Variants in GFRA2 observed in about 807,000 individuals in gnomAD.
The protein encoded by GFRA2 is GDNF family receptor alpha 2.
GFRA2 carries 17 observed loss-of-function variants against 48.3 expected under a neutral mutation model. That is an observed-to-expected ratio of 0.35 (90% confidence interval 0.24 to 0.53). The LOEUF (loss-of-function observed/expected upper bound fraction) is 0.53. Among genes scored for constraint, GFRA2 ranks in the 20% least tolerant of loss-of-function variants. GFRA2 has a pLI of 0.93. For synonymous variants in GFRA2, 305 were observed against 257.2 expected, an observed-to-expected ratio of 1.19 and a Z score of -1.78; for missense variants, 660 against 637.3, an observed-to-expected ratio of 1.04 and a Z score of -0.38.
intron 4 of GFRA2, among the ~76,000 whole-genome samples, chr8:21,727,458 C>T (rs1803927057): frequency 2.0e-5 from 3 of 152,232 alleles, no homozygotes; most frequent in Admixed American, 2.0e-4. Context: ...TGCTCCTCTC[C>T]TCCAAGCGCT....
At chr8:21,768,005 G>A (rs563639645) in intron 3 of GFRA2, among the ~76,000 whole-genome samples, 1 of 152,216 alleles carries the variant, frequency 6.6e-6, no homozygotes, top group African/African-American at 2.4e-5. Flanking sequence ...GGAAAATGTC[G>A]ATCCCTCCAG....
At chr8:21,787,260 C>CGGGGGGGGGGGGGGGGG in intron 1 of GFRA2, among the ~76,000 whole-genome samples, 1 of 61,322 alleles carries the variant, frequency 1.6e-5, no homozygotes, top group East Asian at 4.5e-4. Flanking sequence ...GTCTTGGAGG[C>CGGGGGGGGGGGGGGGGG]GGCGGGGGGG....
chr8:21,790,010 T>C, upstream of GFRA2: 1 of 928,236 alleles, frequency 1.1e-6, no homozygotes, highest in African/African-American at 1.8e-5. Flanking sequence ...GGTTGGGGGG[T>C]TCCTCCTCCC....
At chr8:21,694,751 T>A (rs1252392221) in intron 7 of GFRA2, among the ~76,000 whole-genome samples, 3 of 152,196 alleles carry the variant, frequency 2.0e-5, no homozygotes, top group African/African-American at 7.2e-5. Flanking sequence ...GAGTTCTAAC[T>A]CTGCTCCCAA....
intron 2 of GFRA2, among the ~76,000 whole-genome samples, chr8:21,803,479 C>A (rs1380169357): frequency 6.6e-6 from 1 of 152,092 alleles, no homozygotes; most frequent in African/African-American, 2.4e-5. Flanking sequence ...GAGTCTGGTC[C>A]CCTCAGAGCC....
intron 3 of GFRA2, among the ~76,000 whole-genome samples, chr8:21,754,036 T>C (rs1171228434): frequency 1.3e-5 from 2 of 152,238 alleles, no homozygotes; most frequent in African/African-American, 2.4e-5. Flanking sequence ...TCTGTTCAAA[T>C]GTTACCTAAT....
chr8:21,744,260 A>G (rs1460423411), intron 4 of GFRA2, among the ~76,000 whole-genome samples: 1 of 152,140 alleles, frequency 6.6e-6, no homozygotes, highest in Non-Finnish European at 1.5e-5. Flanking sequence ...GGTGAGCCCA[A>G]CTTCCTCTGC....
At chr8:21,760,986 A>G (rs1055144442) in intron 3 of GFRA2, among the ~76,000 whole-genome samples, 1 of 152,146 alleles carries the variant, frequency 6.6e-6, no homozygotes, top group African/African-American at 2.4e-5. Context: ...TAGAATAAAT[A>G]AACTCTCAGC....
At chr8:21,767,900 C>A (rs1334844108) in intron 3 of GFRA2, among the ~76,000 whole-genome samples, 2 of 152,216 alleles carry the variant, frequency 1.3e-5, no homozygotes, top group African/African-American at 4.8e-5. Flanking sequence ...CCTGCTCACA[C>A]CTTAGTGCCA....
At chr8:21,765,358 G>A (rs36154493) in intron 3 of GFRA2, among the ~76,000 whole-genome samples, 38,432 of 151,774 alleles carry the variant, frequency 0.25, 5,573 homozygotes, top group African/African-American at 0.39. Flanking sequence ...AGATCCACCC[G>A]CCTCAGCCTT....
intron 2 of GFRA2, among the ~76,000 whole-genome samples, chr8:21,776,040 TA>T (rs1806688341): frequency 8.0e-6 from 1 of 125,624 alleles, no homozygotes; most frequent in Non-Finnish European, 1.7e-5. Context: ...TGTGTGTGTG[TA>T]GTGAAAAGCA....
At position 21,775,059 on chromosome 8, in the gene GFRA2, G is replaced by A. The variant is rs368608062; in HGVS notation, c.356-4C>T. ...GAGGCTTCGTAGAACTCCTCACCTG[G>A]AAGACAGAACAGGCATCAGATGCGG... On this transcript the variant is annotated splice_region_variant and splice_polypyrimidine_tract_variant and intron_variant, in intron 2 of 8. Coordinates refer to ENST00000524240, the MANE Select transcript of GFRA2 (RefSeq NM_001495.5). The A allele has an allele frequency of 2.2e-3, 3,345 of 1,533,278 alleles. 51 individuals carry two copies. In the African/African-American group the frequency reaches 0.038, roughly 17 times the overall value. 95.0% of individuals were successfully genotyped at this position (1,533,278 alleles called of 1,614,324 possible). A position where few individuals can be genotyped will look rare whatever the true frequency, so the allele number is the denominator to read the frequency against.
At chr8:21,784,141 A>T (rs1807152431) in intron 1 of GFRA2, among the ~76,000 whole-genome samples, 1 of 152,024 alleles carries the variant, frequency 6.6e-6, no homozygotes, top group Admixed American at 6.6e-5. Flanking sequence ...CTCAGGAGGG[A>T]GGGGACAGGG....
In GFRA2 at chr8:21,691,458, A is replaced by G. The variant is rs927688969; in HGVS notation, c.*1820T>C. On this transcript the variant is annotated 3_prime_UTR_variant, in exon 9 of 9. Transcript: ENST00000524240. ...AAAGGAAGGAATAGAGGGAGACCCA[A>G]AAAATACTTATGCTTTCAGACCATG... 6.6e-6 allele frequency: 1 copy of G among 152,220 alleles called. No individual in the cohort carries two copies. Among genetic ancestry groups the G allele is most frequent in the Non-Finnish European group, 1.5e-5 (1 of 68,054 alleles). 9.4% of individuals were successfully genotyped at this position (152,220 alleles called of 1,614,324 possible).
At chr8:21,748,054 G>T (rs1199673461) in intron 4 of GFRA2, among the ~76,000 whole-genome samples, 1 of 151,998 alleles carries the variant, frequency 6.6e-6, no homozygotes, top group African/African-American at 2.4e-5. Flanking sequence ...AAATCTTCAG[G>T]CATCTCCAGC....
chr8:21,709,420 T>C (rs1467495778), intron 4 of GFRA2, among the ~76,000 whole-genome samples: 4 of 152,256 alleles, frequency 2.6e-5, no homozygotes, highest in Admixed American at 2.6e-4. Context: ...ATTCCATTGA[T>C]TTCCTCATCC....
At chr8:21,782,505 T>TC in intron 2 of GFRA2, 80 bp downstream of exon 2, 1 of 1,104,642 alleles carries the variant, frequency 9.1e-7, no homozygotes, top group East Asian at 2.6e-5. Flanking sequence ...TAGTCCTCCC[T>TC]CCTGAACCCC....
At chr8:21,799,438 G>A (rs1807733453) in intron 2 of GFRA2, among the ~76,000 whole-genome samples, 3 of 151,990 alleles carry the variant, frequency 2.0e-5, no homozygotes, top group South Asian at 4.1e-4. Flanking sequence ...AGGTGGTCTC[G>A]ATCTCCGTTG....
In GFRA2 at chr8:21,797,287, CTTT is replaced by C. The variant is rs1159867192; in HGVS notation, c.-36+7727_-36+7729del. Among the ~76,000 whole-genome samples, 12 of 85,636 alleles carry C rather than the reference CTTT, an allele frequency of 1.4e-4. No individual in the cohort carries two copies. In the South Asian group the frequency reaches 5.1e-3, roughly 36 times the overall value. 56.2% of individuals were successfully genotyped at this position (85,636 alleles called of 152,430 possible). ...TCTTTCTTTTTTTTTCCTTTCTTTG[CTTT>C]TTTTTTTTTTTTTTTTTTTTGACAT... On this transcript the variant is annotated intron_variant, in intron 2 of 10. Transcript: ENST00000517328.
Sources: gnomAD v4.1 joint callset for allele counts (sites outside exome capture counted in the v4.1 genomes callset) on GRCh38, gnomAD v4.1.1 for gene constraint, MANE v1.5 for transcripts, NCBI Gene and HGNC (gene_info 2026-07-23, HGNC 2026-07-21) for gene names.